Variants in EPHA6 observed in about 807,000 individuals in gnomAD.
The protein encoded by EPHA6 is EPH receptor A6.
EPHA6 carries 50 observed loss-of-function variants against 112.0 expected under a neutral mutation model. The ratio of observed to expected loss-of-function variants is 0.45; its 90% CI spans 0.36 to 0.56. The LOEUF (loss-of-function observed/expected upper bound fraction) is 0.56, where lower values mean the gene tolerates loss of function less well. Among genes scored for constraint, EPHA6 ranks in the 20% least tolerant of loss-of-function variants. The pLI is 0.00. For missense variants in EPHA6, 1,280 were observed against 1,417.4 expected, an observed-to-expected ratio of 0.90 and a Z score of 1.56; for synonymous variants, 529 against 490.7, an observed-to-expected ratio of 1.08 and a Z score of -1.03.
At chr3:96,939,007 C>G (rs1455017150) in intron 2 of EPHA6, among the ~76,000 whole-genome samples, 1 of 152,040 alleles carries the variant, frequency 6.6e-6, no homozygotes. Context: ...ATTTGGTTTG[C>G]CAGTATTTTA....
chr3:97,349,744 C>T (rs1293954961), intron 5 of EPHA6, among the ~76,000 whole-genome samples: 1 of 152,008 alleles, frequency 6.6e-6, no homozygotes, highest in African/African-American at 2.4e-5. Context: ...TAGTGATCTT[C>T]ATGAGACTTA....
intron 2 of EPHA6, among the ~76,000 whole-genome samples, chr3:96,885,611 T>C (rs2037576557): frequency 1.3e-5 from 2 of 152,322 alleles, no homozygotes; most frequent in South Asian, 4.1e-4. Flanking sequence ...TTGGATTTTC[T>C]CTCTTCTTTT....
At chr3:97,626,437 A>AACTTC (rs2093857318) in intron 13 of EPHA6, among the ~76,000 whole-genome samples, 1 of 151,846 alleles carries the variant, frequency 6.6e-6, no homozygotes, top group Non-Finnish European at 1.5e-5. Flanking sequence ...AGATAATAGA[A>AACTTC]ACTATGGTTT....
chr3:97,691,634 A>G (rs1464825269), intron 14 of EPHA6, among the ~76,000 whole-genome samples: 1 of 152,200 alleles, frequency 6.6e-6, no homozygotes, highest in Admixed American at 6.5e-5. Context: ...TTTAGATATT[A>G]TCATAAAATT....
chr3:97,122,824 A>G (rs1180853192), intron 3 of EPHA6, among the ~76,000 whole-genome samples: 20 of 152,050 alleles, frequency 1.3e-4, no homozygotes, highest in Non-Finnish European at 1.5e-5. Flanking sequence ...ATAAACATGT[A>G]TGTGTATAAA....
At chr3:96,878,921 A>G (rs915880006) in intron 2 of EPHA6, among the ~76,000 whole-genome samples, 2 of 120,418 alleles carry the variant, frequency 1.7e-5, no homozygotes, top group Admixed American at 2.2e-4. Context: ...GATAGCACTA[A>G]GTTTGCCATC....
chr3:96,981,014 C>T (rs1482179422), intron 2 of EPHA6, among the ~76,000 whole-genome samples: 1 of 152,154 alleles, frequency 6.6e-6, no homozygotes, highest in East Asian at 1.9e-4. Context: ...AATTTGACTT[C>T]CTCTTTTCCT....
chr3:97,061,020 G>A (rs1008877710), intron 3 of EPHA6, among the ~76,000 whole-genome samples: 6 of 150,952 alleles, frequency 4.0e-5, no homozygotes, highest in African/African-American at 1.5e-4. Context: ...TAGAGAAACA[G>A]GTAATGGTGG....
intron 3 of EPHA6, among the ~76,000 whole-genome samples, chr3:97,037,549 G>C (rs113579196): frequency 6.6e-6 from 1 of 152,140 alleles, no homozygotes; most frequent in Non-Finnish European, 1.5e-5. Flanking sequence ...TGAAAAGAAA[G>C]GTAAGATCAC....
intron 3 of EPHA6, among the ~76,000 whole-genome samples, chr3:97,164,957 C>A (rs534312216): frequency 6.6e-6 from 1 of 152,022 alleles, no homozygotes; most frequent in African/African-American, 2.4e-5. Context: ...GAACAGAATT[C>A]TTATCAATAA....
intron 3 of EPHA6, among the ~76,000 whole-genome samples, chr3:97,129,666 G>C (rs2048285393): frequency 6.6e-6 from 1 of 152,120 alleles, no homozygotes; most frequent in Admixed American, 6.5e-5. Flanking sequence ...TACTGCAGTG[G>C]AGTTTTGCAG....
chr3:97,326,628 T>C (rs781234141), intron 5 of EPHA6, among the ~76,000 whole-genome samples: 1 of 152,068 alleles, frequency 6.6e-6, no homozygotes, highest in African/African-American at 2.4e-5. Context: ...AGCAGAAATA[T>C]GTGCTTTTTA....
intron 16 of EPHA6, among the ~76,000 whole-genome samples, chr3:97,737,519 G>A (rs1410842662): frequency 6.6e-6 from 1 of 151,982 alleles, no homozygotes; most frequent in Non-Finnish European, 1.5e-5. Context: ...TGAATATGGA[G>A]GGAGGGAGGA....
intron 1 of EPHA6, among the ~76,000 whole-genome samples, chr3:96,829,126 C>T (rs920966320): frequency 6.6e-5 from 10 of 152,158 alleles, no homozygotes; most frequent in African/African-American, 2.2e-4. Context: ...ACAAGCACTT[C>T]ATACTTTATC....
intron 11 of EPHA6, among the ~76,000 whole-genome samples, chr3:97,568,608 G>C (rs764139753): frequency 1.9e-4 from 29 of 152,092 alleles, no homozygotes; most frequent in Non-Finnish European, 3.8e-4. Flanking sequence ...CTTTCCCAGT[G>C]GTAAACTATT....
At chr3:97,247,162 T>C (rs2079009083) in intron 5 of EPHA6, among the ~76,000 whole-genome samples, 1 of 152,014 alleles carries the variant, frequency 6.6e-6, no homozygotes, top group African/African-American at 2.4e-5. Context: ...GCAAAAACTA[T>C]CTGATAACAC....
chr3:96,860,398 C>T (rs1169421204), intron 1 of EPHA6, among the ~76,000 whole-genome samples: 2 of 151,866 alleles, frequency 1.3e-5, no homozygotes, highest in African/African-American at 4.8e-5. Flanking sequence ...TTCTTTTAGA[C>T]CTTTCTTCCA....
chr3:97,034,652 A>G (rs1438894374), intron 3 of EPHA6, among the ~76,000 whole-genome samples: 1 of 151,932 alleles, frequency 6.6e-6, no homozygotes, highest in Admixed American at 6.6e-5. Flanking sequence ...ATTGCTTAAC[A>G]TCACCCAGGT....
intron 3 of EPHA6, among the ~76,000 whole-genome samples, chr3:97,168,395 T>G (rs556595872): frequency 3.3e-5 from 5 of 152,078 alleles, no homozygotes; most frequent in Non-Finnish European, 7.4e-5. Context: ...GGGGGTGGTT[T>G]CTAGTGCTGG....
Sources: gnomAD v4.1 joint callset for allele counts (sites outside exome capture counted in the v4.1 genomes callset) on GRCh38, gnomAD v4.1.1 for gene constraint, MANE v1.5 for transcripts, NCBI Gene and HGNC (gene_info 2026-07-23, HGNC 2026-07-21) for gene names.